The following LRRC7 variants were observed in gnomAD, a reference collection of about 807,000 sequenced individuals.
The protein encoded by LRRC7 is leucine rich repeat containing 7, also known as leucine-rich repeat-containing protein 7.
LRRC7 carries 23 observed loss-of-function variants against 175.7 expected under a neutral mutation model. That is an observed-to-expected ratio of 0.13 (90% CI 0.09 to 0.19). LRRC7 has a LOEUF of 0.19. Ranked by LOEUF, LRRC7 falls within the 10% of genes least tolerant of loss-of-function variation. The probability of loss-of-function intolerance (pLI) is 1.00; values close to 1 mark genes in which losing one functional copy is unlikely to be tolerated. For missense variants in LRRC7, 1,354 were observed against 1,904.7 expected, an observed-to-expected ratio of 0.71 and a Z score of 5.38; for synonymous variants, 685 against 680.9, an observed-to-expected ratio of 1.01 and a Z score of -0.09.
At chr1:70,011,425 CCCCTGGA>C (rs1327872190) in intron 11 of LRRC7, among the ~76,000 whole-genome samples, 1 of 151,954 alleles carries the variant, frequency 6.6e-6, no homozygotes, top group Non-Finnish European at 1.5e-5. Flanking sequence ...ACTCAATCAT[CCCCTGGA>C]CCTGCCCTCT....
intron 1 of LRRC7, among the ~76,000 whole-genome samples, chr1:69,675,310 C>T (rs1659616100): frequency 6.6e-6 from 1 of 152,048 alleles, no homozygotes; most frequent in Non-Finnish European, 1.5e-5. Flanking sequence ...ACTTTCTAAT[C>T]TGTTTTTGAG....
chr1:69,758,522 T>C (rs1227399400), intron 2 of LRRC7, among the ~76,000 whole-genome samples: 2 of 152,026 alleles, frequency 1.3e-5, no homozygotes, highest in Non-Finnish European at 1.5e-5. Context: ...CTTTTACTTA[T>C]GTTCATGGGG....
In LRRC7 at chr1:70,126,313, T is replaced by C. The variant is rs1327146368; in HGVS notation, c.*4426T>C. ...GGTCAATAAAAAGTTATGCAAATAA[T>C]GAAATCCAATAGGTTAAGAAGATGG... is the stretch of plus-strand genomic sequence containing the variant. On this transcript the variant is annotated 3_prime_UTR_variant, in exon 27 of 27. Coordinates refer to ENST00000651989, the MANE Select transcript of LRRC7 (RefSeq NM_001370785.2). Among the ~76,000 whole-genome samples the C allele has an allele frequency of 1.3e-5, 2 of 151,920 alleles. No individual in the cohort carries two copies. The highest frequency in any genetic ancestry group is 2.9e-5 in the Non-Finnish European group (2 of 67,994).
chr1:69,697,878 C>T (rs974310026), intron 2 of LRRC7, among the ~76,000 whole-genome samples: 1 of 152,182 alleles, frequency 6.6e-6, no homozygotes, highest in Non-Finnish European at 1.5e-5. Context: ...TGCATCTAGC[C>T]TCATCCCATG....
At chr1:69,638,558 C>G (rs1235233152) in intron 1 of LRRC7, among the ~76,000 whole-genome samples, 1 of 151,708 alleles carries the variant, frequency 6.6e-6, no homozygotes, top group Non-Finnish European at 1.5e-5. Context: ...AGTTTGTAGT[C>G]TGCTTGCAAG....
chr1:69,820,290 T>A (rs1488660701), intron 4 of LRRC7, among the ~76,000 whole-genome samples: 1 of 152,154 alleles, frequency 6.6e-6, no homozygotes, highest in Admixed American at 6.6e-5. Flanking sequence ...TGATAATAAC[T>A]TAACTTTGAT....
At chr1:69,581,608 A>G (rs868075726) in intron 1 of LRRC7, among the ~76,000 whole-genome samples, 1 of 152,208 alleles carries the variant, frequency 6.6e-6, no homozygotes, top group African/African-American at 2.4e-5. Context: ...ATATTGAAGA[A>G]GCATCAACTT....
intron 2 of LRRC7, among the ~76,000 whole-genome samples, chr1:69,752,804 T>C (rs780137757): frequency 6.6e-6 from 1 of 152,160 alleles, no homozygotes; most frequent in African/African-American, 2.4e-5. Flanking sequence ...TGCAGCATTG[T>C]GGAGAAACCA....
intron 7 of LRRC7, among the ~76,000 whole-genome samples, chr1:69,916,104 T>TA (rs1381999294): frequency 7.1e-6 from 1 of 140,720 alleles, no homozygotes; most frequent in African/African-American, 2.6e-5. Context: ...ATATTTTATA[T>TA]ATAATATATA....
intron 3 of LRRC7, among the ~76,000 whole-genome samples, chr1:69,773,323 G>A (rs1420593222): frequency 6.6e-6 from 1 of 152,186 alleles, no homozygotes; most frequent in Non-Finnish European, 1.5e-5. Flanking sequence ...AAATGAAAGA[G>A]AAAGAAGAAA....
chr1:69,732,356 A>C (rs1667670901), intron 2 of LRRC7, among the ~76,000 whole-genome samples: 1 of 152,068 alleles, frequency 6.6e-6, no homozygotes, highest in African/African-American at 2.4e-5. Flanking sequence ...ACATACAGCT[A>C]ATTGCTCAAG....
At chr1:69,968,038 A>T (rs1845825) in intron 8 of LRRC7, among the ~76,000 whole-genome samples, 1 of 151,946 alleles carries the variant, frequency 6.6e-6, no homozygotes, top group African/African-American at 2.4e-5. Flanking sequence ...AGCCCAATGT[A>T]AGGAAATCAA....
At chr1:69,825,022 CATTTTCAGTT>C in intron 4 of LRRC7, among the ~76,000 whole-genome samples, 1 of 152,246 alleles carries the variant, frequency 6.6e-6, no homozygotes, top group Non-Finnish European at 1.5e-5. Context: ...TCAGCTTTTG[CATTTTCAGTT>C]TCATAGAAAA....
chr1:70,021,680 G>C (rs1008088827), intron 16 of LRRC7, among the ~76,000 whole-genome samples: 8 of 152,026 alleles, frequency 5.3e-5, no homozygotes, highest in Non-Finnish European at 8.8e-5. Flanking sequence ...TGTTCCTTAG[G>C]GAACATAACT....
At chr1:69,710,968 C>T (rs1664683798) in intron 2 of LRRC7, among the ~76,000 whole-genome samples, 1 of 152,082 alleles carries the variant, frequency 6.6e-6, no homozygotes, top group Non-Finnish European at 1.5e-5. Flanking sequence ...ATTCAAGTGA[C>T]TCCTAGGGCT....
At chr1:69,692,758 G>A (rs947424502) in intron 2 of LRRC7, among the ~76,000 whole-genome samples, 5 of 152,050 alleles carry the variant, frequency 3.3e-5, no homozygotes, top group African/African-American at 1.2e-4. Context: ...GGATAATTTT[G>A]TATGTAAACT....
intron 1 of LRRC7, among the ~76,000 whole-genome samples, chr1:69,584,425 T>C (rs1279490844): frequency 6.6e-6 from 1 of 152,118 alleles, no homozygotes. Flanking sequence ...GTAGCATGCA[T>C]AGTTGAATTT....
At chr1:69,670,494 C>CT (rs1336003517) in intron 1 of LRRC7, among the ~76,000 whole-genome samples, 1 of 152,150 alleles carries the variant, frequency 6.6e-6, no homozygotes, top group Non-Finnish European at 1.5e-5. Context: ...CTGGGCCTCA[C>CT]TGTAACCACT....
chr1:69,826,358 G>C (rs1679912557), intron 5 of LRRC7, among the ~76,000 whole-genome samples: 1 of 152,116 alleles, frequency 6.6e-6, no homozygotes, highest in Non-Finnish European at 1.5e-5. Context: ...GCTGTGATCA[G>C]AAAATGGGTA....
Sources: allele counts gnomAD v4.1 joint callset (sites outside exome capture counted in the v4.1 genomes callset), GRCh38; gene constraint gnomAD v4.1.1; transcripts MANE v1.5; gene names NCBI Gene and HGNC (gene_info 2026-07-23, HGNC 2026-07-21).